Variants in NREP observed in about 807,000 individuals in gnomAD.
The protein encoded by NREP is neuronal regeneration-related protein.
Under a neutral mutation model 8.6 loss-of-function variants are expected in NREP, and 5 were observed. The ratio of observed to expected loss-of-function variants is 0.58; its 90% CI spans 0.30 to 1.22. The LOEUF (loss-of-function observed/expected upper bound fraction) is 1.22. NREP is among the 50% of genes most tolerant of loss of function. The pLI, the probability that NREP is intolerant of heterozygous loss-of-function variation, is 0.07. For missense variants in NREP, 86 were observed against 82.5 expected, an observed-to-expected ratio of 1.04 and a Z score of -0.17; for synonymous variants, 27 against 28.0, an observed-to-expected ratio of 0.96 and a Z score of 0.11.
At chr5:111,943,217 G>A (rs1049223565) in intron 2 of NREP, among the ~76,000 whole-genome samples, 1 of 151,980 alleles carries the variant, frequency 6.6e-6, no homozygotes, top group Non-Finnish European at 1.5e-5. Flanking sequence ...ATTAATAATA[G>A]CTAACATTTT....
chr5:111,935,968 G>C (rs958723556), intron 2 of NREP, among the ~76,000 whole-genome samples: 11 of 152,200 alleles, frequency 7.2e-5, no homozygotes, highest in African/African-American at 2.6e-4. Context: ...GGCTCTAGGA[G>C]GGAATGCTTC....
chr5:111,859,971 G>C (rs1049822234), intron 2 of NREP, among the ~76,000 whole-genome samples: 3 of 152,112 alleles, frequency 2.0e-5, no homozygotes, highest in Non-Finnish European at 4.4e-5. Context: ...AGGTCTGTGG[G>C]CTAATTTTCA....
At chr5:111,772,818 T>G (rs1262266564) in intron 2 of NREP, among the ~76,000 whole-genome samples, 1 of 152,202 alleles carries the variant, frequency 6.6e-6, no homozygotes, top group Non-Finnish European at 1.5e-5. Flanking sequence ...TATTATGTAT[T>G]ATTAATAATA....
chr5:111,880,420 C>T (rs1754024013), intron 2 of NREP, among the ~76,000 whole-genome samples: 1 of 152,172 alleles, frequency 6.6e-6, no homozygotes, highest in Admixed American at 6.5e-5. Flanking sequence ...TCAAATATGT[C>T]AGCAGGTTCA....
exon 1 of NREP, chr5:111,976,725 C>A (rs1231220485): frequency 6.4e-7 from 1 of 1,550,748 alleles, no homozygotes; most frequent in Non-Finnish European, 8.7e-7. Context: ...CAGAATAATT[C>A]CAAACTCCTT....
chr5:111,836,051 A>G lies in NREP; in HGVS notation c.136-100544T>C, dbSNP rs150311851. Among the ~76,000 whole-genome samples, 38 of 152,248 alleles carry G rather than the reference A, an allele frequency of 2.5e-4. No homozygotes were observed. In the East Asian group the frequency reaches 7.1e-3, roughly 29 times the overall value. On this transcript the variant is annotated intron_variant, in intron 2 of 3. Coordinates refer to the NREP transcript ENST00000395634. The stretch of plus-strand genomic sequence containing the variant: ...GCAATCTGTGTGGTCAGCAATTCAT[A>G]TGCTTAACTCAGTCCTTCCTCCCTT...
intron 2 of NREP, among the ~76,000 whole-genome samples, chr5:111,948,166 C>T (rs1298277399): frequency 1.3e-5 from 2 of 152,110 alleles, no homozygotes; most frequent in African/African-American, 4.8e-5. Context: ...TAATTTCCCA[C>T]AAAAGCCTCA....
Position 111,862,311 on chromosome 5 carries a change from T to G in NREP, c.135+112963A>C, listed in dbSNP as rs1317015415. Among the ~76,000 whole-genome samples, 3 of 152,174 alleles carry G rather than the reference T, an allele frequency of 2.0e-5. No individual in the cohort carries two copies. In the East Asian group the frequency reaches 5.8e-4, roughly 29 times the overall value. ...GCTGGTGCAGAAAACAGACTGTCAT[T>G]GAAATATTTCCAAAGACATATGTCA... On this transcript the variant is annotated intron_variant, in intron 2 of 3. Coordinates refer to the NREP transcript ENST00000395634.
intron 2 of NREP, among the ~76,000 whole-genome samples, chr5:111,777,174 G>T (rs964085476): frequency 1.3e-5 from 2 of 152,106 alleles, no homozygotes; most frequent in South Asian, 4.2e-4. Context: ...ACCATTATTT[G>T]TAACTATTTC....
intron 2 of NREP, among the ~76,000 whole-genome samples, chr5:111,845,303 C>T (rs1753134859): frequency 6.6e-6 from 1 of 151,004 alleles, no homozygotes; most frequent in African/African-American, 2.4e-5. Context: ...TTTCTGTGCC[C>T]TACACAGGTG....
At chr5:111,796,049 T>C (rs1317488698) in intron 2 of NREP, among the ~76,000 whole-genome samples, 4 of 152,148 alleles carry the variant, frequency 2.6e-5, no homozygotes, top group Non-Finnish European at 5.9e-5. Context: ...AGGTCAGAAG[T>C]CTGAAATGGT....
At chr5:111,860,654 C>G (rs565758227) in intron 2 of NREP, among the ~76,000 whole-genome samples, 1 of 152,220 alleles carries the variant, frequency 6.6e-6, no homozygotes, top group East Asian at 1.9e-4. Context: ...CAATCCCTAG[C>G]AATATTCCAT....
intron 2 of NREP, among the ~76,000 whole-genome samples, chr5:111,904,547 T>A (rs1222123713): frequency 6.6e-6 from 1 of 152,138 alleles, no homozygotes; most frequent in East Asian, 1.9e-4. Flanking sequence ...CACTAAGCAA[T>A]ATTCATTTAA....
chr5:111,805,374 A>G (rs866899260), intron 2 of NREP, among the ~76,000 whole-genome samples: 7 of 152,240 alleles, frequency 4.6e-5, no homozygotes, highest in African/African-American at 1.2e-4. Flanking sequence ...AAGGTTATTC[A>G]TTGCATATTT....
intron 3 of NREP, chr5:111,734,313 G>C (rs2447802): frequency 1 from 157,639 of 157,642 alleles, 78,818 homozygotes; most frequent in Non-Finnish European, 1. Flanking sequence ...TATACTGCTC[G>C]TGCCGCTGGT....
At position 111,797,104 on chromosome 5, in the gene NREP, G is replaced by A. The variant is rs1751890613; in HGVS notation, c.136-61597C>T. On this transcript the variant is annotated intron_variant, in intron 2 of 3. Coordinates refer to the NREP transcript ENST00000395634. The stretch of plus-strand genomic sequence containing the variant: ...AGATAGATAGATAGATAGATAGATA[G>A]ATAGATATTTCAAAAAACATCACTG... Among the ~76,000 whole-genome samples, 3 of 151,322 alleles carry A rather than the reference G, an allele frequency of 2.0e-5. No homozygotes were observed. The South Asian group carries it at 6.3e-4, about 32-fold the overall frequency.
At chr5:111,810,875 G>A (rs1752253933) in intron 2 of NREP, among the ~76,000 whole-genome samples, 1 of 152,140 alleles carries the variant, frequency 6.6e-6, no homozygotes, top group Admixed American at 6.6e-5. Flanking sequence ...TGAATGTTAA[G>A]TAAAGTAATT....
At chr5:111,750,039 G>C (rs1374939747) in intron 2 of NREP, among the ~76,000 whole-genome samples, 1 of 152,064 alleles carries the variant, frequency 6.6e-6, no homozygotes, top group Admixed American at 6.6e-5. Flanking sequence ...GAGAGCCCTG[G>C]GCCATCTCTA....
At chr5:111,773,476 A>G (rs1751284895) in intron 2 of NREP, among the ~76,000 whole-genome samples, 1 of 152,202 alleles carries the variant, frequency 6.6e-6, no homozygotes, top group African/African-American at 2.4e-5. Context: ...TGCTCAAGAA[A>G]TTAGAAGATG....
Sources: allele counts gnomAD v4.1 joint callset (sites outside exome capture counted in the v4.1 genomes callset), GRCh38; gene constraint gnomAD v4.1.1; transcripts MANE v1.5; gene names NCBI Gene and HGNC (gene_info 2026-07-23, HGNC 2026-07-21).